The following PCBP3 variants were observed in gnomAD, a reference collection of about 807,000 sequenced individuals.
PCBP3 encodes the protein poly(rC) binding protein 3.
In PCBP3, 25 loss-of-function variants were observed where a neutral mutation model predicts 52.7. The ratio of observed to expected loss-of-function variants is 0.47; its 90% CI spans 0.35 to 0.66. The LOEUF is 0.66. Ranked by LOEUF, PCBP3 falls within the 30% of genes least tolerant of loss-of-function variation. The probability of loss-of-function intolerance (pLI) is 0.01; values close to 1 mark genes in which losing one functional copy is unlikely to be tolerated. For synonymous variants in PCBP3, 162 were observed against 183.0 expected, an observed-to-expected ratio of 0.89 and a Z score of 0.93; for missense variants, 391 against 490.3, an observed-to-expected ratio of 0.80 and a Z score of 1.91.
intron 5 of PCBP3, among the ~76,000 whole-genome samples, chr21:45,885,018 T>C (rs1245776232): frequency 6.6e-6 from 1 of 152,224 alleles, no homozygotes; most frequent in Non-Finnish European, 1.5e-5. Context: ...TGTTCTTTCT[T>C]CCTTCCTGAT....
At chr21:45,787,162 T>A (rs191272795) in intron 4 of PCBP3, among the ~76,000 whole-genome samples, 6 of 152,366 alleles carry the variant, frequency 3.9e-5, no homozygotes, top group Admixed American at 1.3e-4. Flanking sequence ...CGCCTCCTTT[T>A]TAAGATTTTG....
intron 14 of PCBP3, among the ~76,000 whole-genome samples, 172 bp from the exon 15 acceptor site, chr21:45,930,614 C>T (rs1039450244): frequency 3.9e-5 from 6 of 152,168 alleles, no homozygotes; most frequent in African/African-American, 1.4e-4. Context: ...CTCCCCCTGG[C>T]GTGCCTGGCA....
chr21:45,846,469 G>A (rs1161587932), intron 4 of PCBP3, among the ~76,000 whole-genome samples: 1 of 151,604 alleles, frequency 6.6e-6, no homozygotes, highest in Non-Finnish European at 1.5e-5. Context: ...TGTTTAAGAA[G>A]AAAGTATAAT....
chr21:45,815,046 AGTG>A (rs1432554805), intron 4 of PCBP3, among the ~76,000 whole-genome samples: 4 of 106,324 alleles, frequency 3.8e-5, no homozygotes, highest in Non-Finnish European at 5.5e-5. Context: ...ATGAGTGGTG[AGTG>A]GTGAGTGTTG....
At chr21:45,939,353 T>C (rs2077209599) in intron 16 of PCBP3, among the ~76,000 whole-genome samples, 1 of 152,192 alleles carries the variant, frequency 6.6e-6, no homozygotes, top group Non-Finnish European at 1.5e-5. Context: ...GGCTGCCCCA[T>C]AGGCCCCGCC....
At chr21:45,921,720 G>A (rs2074466180) in intron 13 of PCBP3, among the ~76,000 whole-genome samples, 1 of 152,190 alleles carries the variant, frequency 6.6e-6, no homozygotes, top group African/African-American at 2.4e-5. Flanking sequence ...CCGGGAGGCT[G>A]AGGCGAGAGG....
At chr21:45,723,191 G>A (rs1282243939) in intron 2 of PCBP3, among the ~76,000 whole-genome samples, 1 of 152,170 alleles carries the variant, frequency 6.6e-6, no homozygotes, top group Non-Finnish European at 1.5e-5. Context: ...GCAACCAGGG[G>A]ACACATAGGC....
chr21:45,776,580 G>A (rs989417642), intron 4 of PCBP3, among the ~76,000 whole-genome samples: 2 of 150,708 alleles, frequency 1.3e-5, no homozygotes, highest in Non-Finnish European at 3.0e-5. Context: ...ATTTAGAATT[G>A]TTATATCCTC....
intron 2 of PCBP3, chr21:45,673,765 A>G (rs2081308455): frequency 6.6e-6 from 1 of 152,220 alleles, no homozygotes; most frequent in Admixed American, 6.5e-5. Context: ...CACTAAGTTC[A>G]TCCTCCGAGG....
chr21:45,831,195 C>T (rs2093438152), intron 4 of PCBP3: 2 of 152,296 alleles, frequency 1.3e-5, no homozygotes, highest in African/African-American at 2.4e-5. Context: ...GGCTGGCTAG[C>T]TCCAGGCAGA....
intron 4 of PCBP3, among the ~76,000 whole-genome samples, chr21:45,814,695 AGTGATGAGTGGTGAGTGATGAGTGAGTG>A: frequency 9.2e-6 from 1 of 108,248 alleles, no homozygotes; most frequent in African/African-American, 3.7e-5. Context: ...GTGAGTGGTG[AGTGATGAGTGGTGAGTGATGAGTGAGTG>A]GTGAGTGGTG....
At position 45,835,341 on chromosome 21, in the gene PCBP3, T is replaced by A. The variant is rs1603447951; in HGVS notation, c.-125-14620T>A. Among the ~76,000 whole-genome samples, 3 of 152,284 alleles carry A rather than the reference T, an allele frequency of 2.0e-5. No homozygotes were observed. The South Asian group carries it at 6.2e-4, about 32-fold the overall frequency. On this transcript the variant is annotated intron_variant, in intron 4 of 17. Transcript: ENST00000681687. ...AGGCTTAGCAGCACCGGAGCTGCTC[T>A]GTGGCCTGTTGGCAGAGAGGAGTCT... is the stretch of plus-strand genomic sequence containing the variant.
At chr21:45,903,584 G>T (rs1038175416) in intron 9 of PCBP3, among the ~76,000 whole-genome samples, 3 of 152,208 alleles carry the variant, frequency 2.0e-5, no homozygotes, top group Non-Finnish European at 2.9e-5. Flanking sequence ...ATCAAGAATG[G>T]CACTAGAACG....
At chr21:45,675,729 G>A (rs1302637418) in intron 2 of PCBP3, among the ~76,000 whole-genome samples, 2 of 152,152 alleles carry the variant, frequency 1.3e-5, no homozygotes, top group African/African-American at 2.4e-5. Flanking sequence ...GGCTCATAAG[G>A]TCAAAACTGT....
intron 15 of PCBP3, among the ~76,000 whole-genome samples, chr21:45,931,370 G>A (rs879907821): frequency 2.6e-5 from 4 of 152,200 alleles, no homozygotes; most frequent in Admixed American, 1.3e-4. Flanking sequence ...GCACATGGCC[G>A]GTGCCACAGT....
At chr21:45,775,467 G>A (rs2090184449) in intron 4 of PCBP3, among the ~76,000 whole-genome samples, 2 of 151,984 alleles carry the variant, frequency 1.3e-5, no homozygotes, top group African/African-American at 4.8e-5. Context: ...ACCCAGGCTG[G>A]AGTGCAGTGG....
At chr21:45,885,687 T>C (rs947478312) in intron 5 of PCBP3, among the ~76,000 whole-genome samples, 2 of 152,198 alleles carry the variant, frequency 1.3e-5, no homozygotes, top group African/African-American at 4.8e-5. Context: ...TTTCTAGTTC[T>C]GTCGTTCCCT....
chr21:45,937,350 C>T (rs1191000732), intron 16 of PCBP3, among the ~76,000 whole-genome samples: 1 of 152,182 alleles, frequency 6.6e-6, no homozygotes, highest in African/African-American at 2.4e-5. Context: ...CTATTTCAGT[C>T]CTTGCTCTTG....
intron 4 of PCBP3, among the ~76,000 whole-genome samples, chr21:45,826,069 G>A (rs1476622906): frequency 2.6e-5 from 4 of 152,104 alleles, no homozygotes; most frequent in Non-Finnish European, 5.9e-5. Context: ...GACCAGCATG[G>A]CCAACATGGA....
Sources: allele counts gnomAD v4.1 joint callset (sites outside exome capture counted in the v4.1 genomes callset), GRCh38; gene constraint gnomAD v4.1.1; transcripts MANE v1.5; gene names NCBI Gene and HGNC (gene_info 2026-07-23, HGNC 2026-07-21).